Variants in SV2B observed in about 807,000 individuals in gnomAD.
The protein encoded by SV2B is solute carrier family 22 member B2.
Under a neutral mutation model 73.9 loss-of-function variants are expected in SV2B, and 41 were observed. That is an observed-to-expected ratio of 0.56 (90% CI 0.43 to 0.72). The LOEUF is 0.72. SV2B is among the 30% of genes least tolerant of loss of function. The pLI is 0.00. For synonymous variants in SV2B, 314 were observed against 314.2 expected, an observed-to-expected ratio of 1.00 and a Z score of 0.01; for missense variants, 764 against 857.8, an observed-to-expected ratio of 0.89 and a Z score of 1.37.
intron 7 of SV2B, chr15:91,266,933 G>A (rs2048126183): frequency 2.7e-6 from 1 of 374,530 alleles, no homozygotes; most frequent in Non-Finnish European, 4.8e-6. Context: ...TCCCAAGGCA[G>A]GGATTTTGAA....
Position 91,181,207 on chromosome 15 carries a change from G to A in SV2B, c.-391-44666G>A, listed in dbSNP as rs966359383. Among the ~76,000 whole-genome samples the A allele has an allele frequency of 2.4e-4, 37 of 152,152 alleles. 1 individual carries two copies. The highest frequency in any genetic ancestry group is 7.0e-4 in the African/African-American group (29 of 41,434). On this transcript the variant is annotated intron_variant, in intron 1 of 12. Coordinates refer to ENST00000394232, the MANE Select transcript of SV2B (RefSeq NM_001323032.3). ...TCAGCAGCAGTGTCTGCATAACAGC[G>A]GATTTTTGTGAACTGCAAATGCTGC...
intron 1 of SV2B, among the ~76,000 whole-genome samples, chr15:91,104,713 A>G (rs1453867430): frequency 1.3e-5 from 2 of 152,178 alleles, no homozygotes; most frequent in African/African-American, 4.8e-5. Flanking sequence ...GCTCACTGCA[A>G]CCTCAGCCTC....
chr15:91,118,648 G>C lies in SV2B; in HGVS notation c.-392+18285G>C, dbSNP rs1191704436. Among the ~76,000 whole-genome samples, 1 of 152,160 alleles carries C rather than the reference G, an allele frequency of 6.6e-6. No homozygotes were observed. Among genetic ancestry groups the C allele is most frequent in the African/African-American group, 2.4e-5 (1 of 41,434 alleles). On this transcript the variant is annotated intron_variant, in intron 1 of 12. Coordinates refer to ENST00000394232, the MANE Select transcript of SV2B (RefSeq NM_001323032.3). The surrounding 1 kb of genome is among the most constrained non-coding windows in gnomAD (Gnocchi z 4.7). ...GCCCCTTTCTGAGAGGCTCCCTACT[G>C]CCCAAGAGGGCCGAGGTGAGGCTGA...
At chr15:91,259,342 G>A (rs1490096216) in intron 5 of SV2B, among the ~76,000 whole-genome samples, 1 of 152,114 alleles carries the variant, frequency 6.6e-6, no homozygotes, top group African/African-American at 2.4e-5. Context: ...TGCAGAAGCA[G>A]GCAGAGGGGC....
At chr15:91,254,263 G>A (rs1013515084) in intron 4 of SV2B, among the ~76,000 whole-genome samples, 7 of 139,698 alleles carry the variant, frequency 5.0e-5, no homozygotes, top group African/African-American at 5.5e-5. Flanking sequence ...CTGAGACAGA[G>A]TCTTGTTCTA....
chr15:91,151,446 C>G (rs1052163469), intron 1 of SV2B, among the ~76,000 whole-genome samples: 2 of 152,208 alleles, frequency 1.3e-5, no homozygotes, highest in African/African-American at 4.8e-5. Context: ...TTAGCCTAAT[C>G]AGCCTGAGAC....
intron 1 of SV2B, among the ~76,000 whole-genome samples, chr15:91,204,016 G>A (rs577042767): frequency 3.3e-5 from 5 of 152,270 alleles, no homozygotes; most frequent in East Asian, 1.9e-4. Flanking sequence ...CTGATCAGTC[G>A]AAATAATTGA....
intron 2 of SV2B, among the ~76,000 whole-genome samples, chr15:91,244,248 T>C (rs891749873): frequency 6.6e-6 from 1 of 152,244 alleles, no homozygotes; most frequent in Non-Finnish European, 1.5e-5. Flanking sequence ...TCTATCACAG[T>C]GTCTTACATA....
intron 1 of SV2B, among the ~76,000 whole-genome samples, chr15:91,175,011 C>A (rs1432188759): frequency 1.3e-5 from 2 of 152,180 alleles, no homozygotes; most frequent in Admixed American, 6.5e-5. Flanking sequence ...TTCTATCAGC[C>A]CTGCAGCTAT....
intron 1 of SV2B, among the ~76,000 whole-genome samples, chr15:91,120,979 T>A (rs2042319205): frequency 6.6e-6 from 1 of 152,170 alleles, no homozygotes; most frequent in Non-Finnish European, 1.5e-5. Flanking sequence ...ACTCAAGACT[T>A]TCTGATTCTG....
chr15:91,175,856 T>C (rs558947849), intron 1 of SV2B, among the ~76,000 whole-genome samples: 18 of 151,688 alleles, frequency 1.2e-4, no homozygotes, highest in Middle Eastern at 6.8e-3. Context: ...TTTGTTCCCA[T>C]ATATGATTTT....
chr15:91,110,158 C>T lies in SV2B; in HGVS notation c.-392+9795C>T, dbSNP rs2041998713. 6.6e-6 allele frequency among the ~76,000 whole-genome samples: 1 copy of T among 152,130 alleles called. No homozygotes were observed. The highest frequency in any genetic ancestry group is 2.4e-5 in the African/African-American group (1 of 41,430). On this transcript the variant is annotated intron_variant, in intron 1 of 12. Transcript: ENST00000394232. This position sits in a 1 kb window ranked among gnomAD's most constrained non-coding sequence, Gnocchi z 5.4. ...TCTGTTCCTTCTTCTTAGCAGTGTT[C>T]ATTTGCATGTTTCTCTCATGAAATG...
rs189255929 is a variant in SV2B at position 91,100,989 on chromosome 15, G to C, written c.-392+626G>C. ...AGCCAGGGAGGAGCAAGGCACCGCT[G>C]TGTCTTCGGCAGACGGGTGGTAGAA... is the stretch of plus-strand genomic sequence containing the variant. On this transcript the variant is annotated intron_variant, in intron 1 of 12. Transcript: ENST00000394232. The surrounding 1 kb of genome is among the most constrained non-coding windows in gnomAD (Gnocchi z 6.4). Among the ~76,000 whole-genome samples the C allele has an allele frequency of 2.0e-5, 3 of 152,380 alleles. No individual in the cohort carries two copies. Among genetic ancestry groups the C allele is most frequent in the Admixed American group, 6.5e-5 (1 of 15,312 alleles).
rs10637206 is a variant in SV2B, at chr15:91,134,004, C to CTTT, written c.-392+33651_-392+33653dup. On this transcript the variant is annotated intron_variant, in intron 1 of 12. Coordinates refer to ENST00000394232, the MANE Select transcript of SV2B (RefSeq NM_001323032.3). Reference sequence around the variant, plus strand: ...TGCCTCTTCACCACTTTCTTTCTTCCTTTTTTTTTTTTGAGATGGAGTCTT... The same window carrying CTTT: ...TGCCTCTTCACCACTTTCTTTCTTCCTTTTTTTTTTTTTTTGAGATGGAGTCTT... Among the ~76,000 whole-genome samples, 48 of 106,220 alleles carry CTTT rather than the reference C, an allele frequency of 4.5e-4. 2 individuals are homozygous for CTTT. The highest frequency in any genetic ancestry group is 1.5e-3 in the African/African-American group (37 of 25,132). 69.7% of individuals were successfully genotyped at this position (106,220 alleles called of 152,430 possible). A position where few individuals can be genotyped will look rare whatever the true frequency, so the allele number is the denominator to read the frequency against.
At chr15:91,194,407 G>A (rs1020749553) in intron 1 of SV2B, among the ~76,000 whole-genome samples, 4 of 152,182 alleles carry the variant, frequency 2.6e-5, no homozygotes, top group Admixed American at 2.0e-4. Flanking sequence ...CCAGTTTGGA[G>A]CAATGATGAA....
chr15:91,246,429 C>G (rs2047226729), intron 2 of SV2B, among the ~76,000 whole-genome samples: 1 of 152,230 alleles, frequency 6.6e-6, no homozygotes, highest in Non-Finnish European at 1.5e-5. Flanking sequence ...TACTTTAAAT[C>G]CACTCCCCTA....
intron 1 of SV2B, among the ~76,000 whole-genome samples, chr15:91,201,018 A>G (rs920143823): frequency 6.6e-6 from 1 of 152,224 alleles, no homozygotes; most frequent in Admixed American, 6.5e-5. Context: ...GTGTCATAAG[A>G]TAACCATTTT....
rs984452991 is a variant in SV2B, at chr15:91,214,312, C to T, written c.-391-11561C>T. Reference sequence around the variant, plus strand: ...GCTTGTGGAGTGAGGTTAAGGGTCTCGTTGTCCTTTAGAGTGTGGTATGCA... The same window carrying T: ...GCTTGTGGAGTGAGGTTAAGGGTCTTGTTGTCCTTTAGAGTGTGGTATGCA... On this transcript the variant is annotated intron_variant, in intron 1 of 12. Coordinates refer to ENST00000394232, the MANE Select transcript of SV2B (RefSeq NM_001323032.3). This position sits in a 1 kb window ranked among gnomAD's most constrained non-coding sequence, Gnocchi z 4.7. 4.6e-5 allele frequency among the ~76,000 whole-genome samples: 7 copies of T among 152,044 alleles called. No homozygotes were observed. Among genetic ancestry groups the T allele is most frequent in the East Asian group, 1.9e-4 (1 of 5,192 alleles).
chr15:91,252,974 T>TC lies in SV2B; in HGVS notation c.784+458dup, dbSNP rs1171757150. On this transcript the variant is annotated intron_variant, in intron 4 of 12. Transcript: ENST00000394232. This position sits in a 1 kb window ranked among gnomAD's most constrained non-coding sequence, Gnocchi z 4.6. ...TGGAGTGGGGGCTGGAGTCCTGATG[T>TC]CCCCTCAGGTGCAGTAGGCTTGTAC... Among the ~76,000 whole-genome samples, 2 of 152,090 alleles carry TC rather than the reference T, an allele frequency of 1.3e-5. No homozygotes were observed. Among genetic ancestry groups the TC allele is most frequent in the Non-Finnish European group, 2.9e-5 (2 of 68,014 alleles).
Sources: allele counts gnomAD v4.1 joint callset (sites outside exome capture counted in the v4.1 genomes callset), GRCh38; gene constraint gnomAD v4.1.1; non-coding constraint Gnocchi (gnomAD v3.1); transcripts MANE v1.5; gene names NCBI Gene and HGNC (gene_info 2026-07-23, HGNC 2026-07-21).